Variants in TTN observed in about 807,000 individuals in gnomAD.
TTN encodes the protein connectin.
TTN carries 1,525 observed loss-of-function variants against 3,223.0 expected under a neutral mutation model. That is an observed-to-expected ratio of 0.47 (90% CI 0.45 to 0.49). The LOEUF is 0.49. Ranked by LOEUF, TTN falls within the 20% of genes least tolerant of loss-of-function variation. The probability of loss-of-function intolerance (pLI) is 0.00; values close to 1 mark genes in which losing one functional copy is unlikely to be tolerated. For missense variants in TTN, 40,786 were observed against 43,424.0 expected, an observed-to-expected ratio of 0.94 and a Z score of 5.40; for synonymous variants, 14,094 against 15,161.0, an observed-to-expected ratio of 0.93 and a Z score of 5.17.
chr2:178,726,659 C>T (rs1260962892), intron 69 of TTN: 1 of 154,030 alleles, frequency 6.5e-6, no homozygotes, highest in Non-Finnish European at 1.4e-5. Context: ...TATTATTGTC[C>T]TGTTTTAAAC....
At position 178,547,458 on chromosome 2, in the gene TTN, CA is replaced by C. The variant is rs747837187; in HGVS notation, c.94167del (p.Phe31389LeufsTer7). ...YSFRVSSENR[F>X]GVSKPLESAP... is the part of the protein sequence containing the mutation. ...GCTGATTCTAGAGGTTTGCTGACACCAAATCTGTTCTCTGAACTGACACGGA... is the reference window on the plus strand; with the variant it reads ...GCTGATTCTAGAGGTTTGCTGACACCAATCTGTTCTCTGAACTGACACGGA... On this transcript the variant is annotated frameshift_variant, in exon 339 of 363. Coordinates refer to ENST00000589042, the MANE Select transcript of TTN (RefSeq NM_001267550.2). LOFTEE classifies it high-confidence loss of function. The C allele has an allele frequency of 3.1e-6, 5 of 1,611,472 alleles. No homozygotes were observed. Among genetic ancestry groups the C allele is most frequent in the Non-Finnish European group, 3.4e-6 (4 of 1,178,500 alleles).
rs1357579405 is a variant in TTN, at chr2:178,573,936, C to T, written c.72196G>A (p.Asp24066Asn). 2.5e-6 allele frequency: 4 copies of T among 1,613,326 alleles called. No individual in the cohort carries two copies. Among genetic ancestry groups the T allele is most frequent in the Non-Finnish European group, 3.4e-6 (4 of 1,179,552 alleles). Residue 24066 changes from aspartate to asparagine, a missense_variant, in exon 326 of 363, where the codon GAT becomes AAT. Coordinates refer to ENST00000589042, the MANE Select transcript of TTN (RefSeq NM_001267550.2). ...RPPPTMEWSK[D>N]GKELEGTAKL... ...GCTGTGCCTTCCAGCTCTTTTCCAT[C>T]TTTGCTCCATTCCATTGTTGGAGGT...
chr2:178,686,333 G>C (rs1466647891), intron 127 of TTN, among the ~76,000 whole-genome samples: 1 of 150,874 alleles, frequency 6.6e-6, no homozygotes, highest in African/African-American at 2.4e-5. Flanking sequence ...TTTTAGCCGG[G>C]ATGGTCTCGA....
intron 11 of TTN, among the ~76,000 whole-genome samples, 170 bp downstream of exon 11, chr2:178,790,538 A>G (rs1254522295): frequency 6.6e-6 from 1 of 152,264 alleles, no homozygotes; most frequent in African/African-American, 2.4e-5. Flanking sequence ...TCTGAAAGTT[A>G]GGAATGAATT....
chr2:178,718,631 T>C lies in TTN; in HGVS notation c.24506-31A>G, dbSNP rs749301546. ...AGGAGAAAACATGTGGGTAAAATTC[T>C]TGCCTTCTAATGAAGACTTAAGAGA... is the stretch of plus-strand genomic sequence containing the variant. On this transcript the variant is annotated intron_variant, in intron 84 of 362. Transcript: ENST00000589042. 12 of 1,603,234 alleles carry C rather than the reference T, an allele frequency of 7.5e-6. No homozygotes were observed. The Admixed American group carries it at 2.0e-4, about 27-fold the overall frequency.
Position 178,613,749 on chromosome 2 carries a change from A to G in TTN, c.49532+2T>C. 2 of 1,611,354 alleles carry G rather than the reference A, an allele frequency of 1.2e-6. No individual in the cohort carries two copies. The highest frequency in any genetic ancestry group is 8.5e-7 in the Non-Finnish European group (1 of 1,178,546). The stretch of plus-strand genomic sequence containing the variant: ...ACATCTTGATGGGGATTCTGAGCAT[A>G]CCTGTATGTTGTGTCCTTTACTGGC... On this transcript the variant is annotated splice_donor_variant, in intron 263 of 362. Coordinates refer to ENST00000589042, the MANE Select transcript of TTN (RefSeq NM_001267550.2). LOFTEE classifies it high-confidence loss of function.
rs375305621 is a variant in TTN, at chr2:178,597,695, A to T, written c.57387T>A (p.Asn19129Lys). The change falls in exon 294 of 363, where the codon AAT becomes AAA. Residue 19129 changes from asparagine to lysine, a missense_variant. By Grantham distance (94) the Asn-to-Lys change is moderately conservative. Coordinates refer to ENST00000589042, the MANE Select transcript of TTN (RefSeq NM_001267550.2). ...KPPPTVTWNM[N>K]ERTLPQEATI... ...TGGCTTCTTGAGGTAAGGTTCTTTC[A>T]TTCATGTTCCAGGTGACGGTTGGAG... The T allele has an allele frequency of 1.5e-5, 24 of 1,613,260 alleles. No individual in the cohort carries two copies. Among genetic ancestry groups the T allele is most frequent in the Non-Finnish European group, 1.9e-5 (22 of 1,179,576 alleles).
rs745937559 is a variant in TTN at position 178,696,269 on chromosome 2, G to T, written c.30803C>A (p.Ala10268Asp). 5 of 1,524,272 alleles carry T rather than the reference G, an allele frequency of 3.3e-6. 1 individual carries two copies. In the Admixed American group the frequency reaches 1.2e-4, roughly 35 times the overall value. 94.4% of individuals were successfully genotyped at this position (1,524,272 alleles called of 1,614,324 possible). A position where few individuals can be genotyped will look rare whatever the true frequency, so the allele number is the denominator to read the frequency against. Reference sequence around the variant, plus strand: ...AGAGGATACATCAATGATTTCAGGAGCTAAAATAGATAAAGATACTATTAG... The same window carrying T: ...AGAGGATACATCAATGATTTCAGGATCTAAAATAGATAAAGATACTATTAG... The part of the protein sequence containing the change: ...PPPTTLIPAK[A>D]PEIIDVSSKA... The change falls in exon 114 of 363, where the codon GCT (alanine) becomes GAT (aspartate). Residue 10268 changes from alanine to aspartate, a missense_variant and splice_region_variant. Transcript: ENST00000589042.
Position 178,776,242 on chromosome 2 carries a change from C to T in TTN, c.5622G>A (p.Trp1874Ter), listed in dbSNP as rs777078420. 6.2e-7 allele frequency: 1 copy of T among 1,614,148 alleles called. No individual in the cohort carries two copies. Among genetic ancestry groups the T allele is most frequent in the Middle Eastern group, 1.7e-4 (1 of 6,060 alleles). ...TGCGGATGAGCTGTCCATTGAGGTA[C>T]CAGTTGACTTTGGGCTGAGGGTAGC... ...VTGYPQPKVN[W>*]YLNGQLIRKS... Residue 1874 changes from tryptophan (W) to a stop codon, truncating the protein, a stop_gained, in exon 28 of 363, where the codon TGG (tryptophan) becomes TGA (stop). Coordinates refer to ENST00000589042, the MANE Select transcript of TTN (RefSeq NM_001267550.2). LOFTEE classifies it high-confidence loss of function.
Position 178,573,171 on chromosome 2 carries a change from C to A in TTN, c.72961G>T (p.Val24321Leu). ...TTACCTGGTGGTCCAGGTTTAAACACAGTGTCACAAGCCTTGTAAAATGGA... is the reference window on the plus strand; with the variant it reads ...TTACCTGGTGGTCCAGGTTTAAACAAAGTGTCACAAGCCTTGTAAAATGGA... ...TSPFYKACDT[V>L]FKPGPPGNPR... Residue 24321 changes from valine (V) to leucine (L), a missense_variant, in exon 326 of 363, where the codon GTG (valine) becomes TTG (leucine). Coordinates refer to ENST00000589042, the MANE Select transcript of TTN (RefSeq NM_001267550.2). 1 of 1,612,172 alleles carries A rather than the reference C, an allele frequency of 6.2e-7. No individual in the cohort carries two copies. Among genetic ancestry groups the A allele is most frequent in the African/African-American group, 1.3e-5 (1 of 74,980 alleles).
Position 178,731,941 on chromosome 2 carries a change from G to A in TTN, c.16934C>T (p.Pro5645Leu), listed in dbSNP as rs370889765. The change falls in exon 58 of 363, where the codon CCA (proline) becomes CTA (leucine). Residue 5645 changes from proline (P) to leucine (L), a missense_variant. Transcript: ENST00000589042. ...ATCGTACTCCTTTAAGACTTCAATT[G>A]GCTTAAATTCCTTGGTAAAATAAGG... ...ESPYFTKEFKPIEVLKEYDVM... is the reference protein window; with the variant it reads ...ESPYFTKEFKLIEVLKEYDVM... The A allele has an allele frequency of 1.0e-4, 161 of 1,609,366 alleles. No homozygotes were observed. Among genetic ancestry groups the A allele is most frequent in the Non-Finnish European group, 1.1e-4 (125 of 1,176,588 alleles).
intron 259 of TTN, 46 bp downstream of exon 259, chr2:178,615,261 G>T: frequency 6.3e-7 from 1 of 1,590,254 alleles, no homozygotes; most frequent in Non-Finnish European, 8.5e-7. Flanking sequence ...GCCCATTTTA[G>T]TGACTAGGAG....
At position 178,540,349 on chromosome 2, in the gene TTN, T is replaced by C; in HGVS notation, c.97817A>G (p.Asn32606Ser). Reference sequence around the variant, plus strand: ...CCTTGTTGTATCAGTAACTCTTGGGTTTTGTGGCTTTCCTGGAGGAGCTGA... The same window carrying C: ...CCTTGTTGTATCAGTAACTCTTGGGCTTTGTGGCTTTCCTGGAGGAGCTGA... The part of the protein sequence containing the change: ...DPIAPPGKPQ[N>S]PRVTDTTRTS... Residue 32606 changes from asparagine to serine, a missense_variant, in exon 351 of 363, where the codon AAC becomes AGC. Asn to Ser is a conservative substitution (Grantham distance 46). Coordinates refer to ENST00000589042, the MANE Select transcript of TTN (RefSeq NM_001267550.2). 1 of 1,612,542 alleles carries C rather than the reference T, an allele frequency of 6.2e-7. No homozygotes were observed. Among genetic ancestry groups the C allele is most frequent in the Non-Finnish European group, 8.5e-7 (1 of 1,178,944 alleles).
chr2:178,599,669 A>G lies in TTN; in HGVS notation c.56232T>C (p.Asp18744=), dbSNP rs1404608401. 3 of 1,613,102 alleles carry G rather than the reference A, an allele frequency of 1.9e-6. No individual in the cohort carries two copies. The highest frequency in any genetic ancestry group is 8.5e-7 in the Non-Finnish European group (1 of 1,179,382). The change falls in exon 289 of 363, where the codon GAT becomes GAC. Residue 18744 remains aspartate (D), a synonymous_variant. Transcript: ENST00000589042. The part of the protein sequence containing the change: ...YDTHVNKLVV[D]DTCTLVIPQS... ...GCGGAATAACTAAAGTGCAAGTATC[A>G]TCTACCACCAGTTTGTTGACATGGG... is the stretch of plus-strand genomic sequence containing the variant.
Position 178,622,025 on chromosome 2 carries a change from T to C in TTN, c.44914-17A>G, listed in dbSNP as rs2058366330. The stretch of plus-strand genomic sequence containing the variant: ...CCACTTAACCTATATTTAAGATAAA[T>C]AGATTATCAGTTTTCTTGTTGTTCC... On this transcript the variant is annotated splice_polypyrimidine_tract_variant and intron_variant, in intron 243 of 362. Transcript: ENST00000589042. 3 of 1,584,456 alleles carry C rather than the reference T, an allele frequency of 1.9e-6. No individual in the cohort carries two copies. The highest frequency in any genetic ancestry group is 1.1e-5 in the South Asian group (1 of 87,104).
rs576158850 is a variant in TTN, at chr2:178,598,838, C to G, written c.56872G>C (p.Asp18958His). Residue 18958 changes from aspartate (D) to histidine (H), a missense_variant, in exon 291 of 363, where the codon GAC (aspartate) becomes CAC (histidine). Coordinates refer to ENST00000589042, the MANE Select transcript of TTN (RefSeq NM_001267550.2). Reference protein sequence around the residue: ...YKVTGLIEGSDYQFRVYAINA... With the variant: ...YKVTGLIEGSHYQFRVYAINA... ...ATTGCATATACCCGGAATTGATAGT[C>G]GGAACCTTCAATAAGACCAGTCACT... is the stretch of plus-strand genomic sequence containing the variant. 1 of 1,613,262 alleles carries G rather than the reference C, an allele frequency of 6.2e-7. No homozygotes were observed. The highest frequency in any genetic ancestry group is 2.2e-5 in the East Asian group (1 of 44,756).
chr2:178,701,467 C>T, intron 110 of TTN, 61 bp downstream of exon 110: 1 of 1,548,424 alleles, frequency 6.5e-7, no homozygotes, highest in Admixed American at 1.9e-5. Flanking sequence ...AAATTTCGTA[C>T]AGATTCCTAG....
chr2:178,781,060 C>A lies in TTN; in HGVS notation c.3523+61G>T, dbSNP rs2092720519. The A allele has an allele frequency of 8.1e-6, 13 of 1,609,888 alleles. No individual in the cohort carries two copies. In the East Asian group the frequency reaches 2.7e-4, roughly 33 times the overall value. Reference sequence around the variant, plus strand: ...AACAGGTTTTTCAGCAAACGGACAGCACTGCTATCTCCTTGTATTTCAGTT... The same window carrying A: ...AACAGGTTTTTCAGCAAACGGACAGAACTGCTATCTCCTTGTATTTCAGTT... On this transcript the variant is annotated intron_variant, in intron 21 of 362. Coordinates refer to ENST00000589042, the MANE Select transcript of TTN (RefSeq NM_001267550.2).
chr2:178,663,221 A>G (rs1053599786), intron 173 of TTN, 45 bp downstream of exon 173: 29 of 1,499,148 alleles, frequency 1.9e-5, no homozygotes, highest in Non-Finnish European at 2.5e-5. Context: ...CCTAGTTAAA[A>G]TAACAGTTAT....
Sources: gnomAD v4.1 joint callset for allele counts (sites outside exome capture counted in the v4.1 genomes callset) on GRCh38, gnomAD v4.1.1 for gene constraint, MANE v1.5 for transcripts, NCBI Gene and HGNC (gene_info 2026-07-23, HGNC 2026-07-21) for gene names.